RFTN2: variants seen among roughly 807,000 people sequenced by gnomAD.
RFTN2 encodes raftlin family member 2, also known as raftlin-2.
A neutral mutation model predicts 52.7 loss-of-function variants in RFTN2; 34 were observed. The ratio of observed to expected loss-of-function variants is 0.64; its 90% CI spans 0.49 to 0.86. The LOEUF (loss-of-function observed/expected upper bound fraction) is 0.86, where lower values mean the gene tolerates loss of function less well. Among genes scored for constraint, RFTN2 ranks in the 40% least tolerant of loss-of-function variants. The pLI is 0.00. For missense variants in RFTN2, 536 were observed against 600.1 expected (o/e 0.89, Z 1.12); for synonymous variants, 203 against 217.7 (o/e 0.93, Z 0.59).
At chr2:197,591,029 T>C (rs1025005049) in intron 8 of RFTN2, among the ~76,000 whole-genome samples, 1 of 152,194 alleles carries the variant, frequency 6.6e-6, no homozygotes, top group Non-Finnish European at 1.5e-5. Context: ...ATTGGTCCAT[T>C]TTACAGAGAA....
intron 1 of RFTN2, among the ~76,000 whole-genome samples, chr2:197,673,040 C>T (rs965669375): frequency 6.6e-6 from 1 of 152,132 alleles, no homozygotes; most frequent in African/African-American, 2.4e-5. Flanking sequence ...GGGTCTCCTC[C>T]TCCTGCCCCC....
intron 7 of RFTN2, among the ~76,000 whole-genome samples, chr2:197,609,258 A>C (rs1225738045): frequency 6.6e-6 from 1 of 152,214 alleles, no homozygotes; most frequent in South Asian, 2.1e-4. Flanking sequence ...AACAGTGTAA[A>C]AGTGTCCCTA....
At chr2:197,589,970 G>T (rs555827484) in intron 8 of RFTN2, among the ~76,000 whole-genome samples, 10 of 152,012 alleles carry the variant, frequency 6.6e-5, no homozygotes, top group African/African-American at 1.7e-4. Flanking sequence ...ACAGTGGCGC[G>T]ATCATGGCTC....
chr2:197,598,796 C>T (rs2087832021), intron 7 of RFTN2, among the ~76,000 whole-genome samples: 1 of 152,050 alleles, frequency 6.6e-6, no homozygotes, highest in Admixed American at 6.6e-5. Flanking sequence ...CTTCTCAGGC[C>T]TTGGGGATTA....
At chr2:197,599,828 A>G (rs879557953) in intron 7 of RFTN2, among the ~76,000 whole-genome samples, 1 of 152,158 alleles carries the variant, frequency 6.6e-6, no homozygotes, top group Admixed American at 6.6e-5. Flanking sequence ...GAAAGGGCAG[A>G]AGCTTTTTAA....
intron 5 of RFTN2, among the ~76,000 whole-genome samples, chr2:197,618,413 A>G (rs1256665586): frequency 7.2e-5 from 11 of 152,072 alleles, no homozygotes; most frequent in Non-Finnish European, 1.3e-4. Flanking sequence ...GCTGGAGTGC[A>G]GTGGCATGAT....
intron 7 of RFTN2, among the ~76,000 whole-genome samples, chr2:197,609,382 A>T (rs769892300): frequency 1.6e-4 from 24 of 152,234 alleles, no homozygotes; most frequent in Non-Finnish European, 3.1e-4. Flanking sequence ...TATAATGACC[A>T]GTGATGATGA....
intron 5 of RFTN2, among the ~76,000 whole-genome samples, chr2:197,627,616 G>T (rs1352044109): frequency 6.6e-6 from 1 of 152,178 alleles, no homozygotes; most frequent in Non-Finnish European, 1.5e-5. Context: ...AGTCTGAAAA[G>T]AATTCTTAAA....
At chr2:197,618,536 C>A (rs1173452229) in intron 5 of RFTN2, among the ~76,000 whole-genome samples, 9 of 152,096 alleles carry the variant, frequency 5.9e-5, no homozygotes, top group African/African-American at 2.2e-4. Context: ...AGCGTCTCCG[C>A]CTGGCCGCCC....
intron 7 of RFTN2, among the ~76,000 whole-genome samples, chr2:197,602,737 G>A (rs983584617): frequency 6.6e-6 from 1 of 152,046 alleles, no homozygotes; most frequent in Non-Finnish European, 1.5e-5. Flanking sequence ...ATACCCAAAG[G>A]ATTATAAATC....
At chr2:197,583,536 T>C (rs1270231322) in intron 8 of RFTN2, among the ~76,000 whole-genome samples, 1 of 152,078 alleles carries the variant, frequency 6.6e-6, no homozygotes, top group Non-Finnish European at 1.5e-5. Context: ...ATCCTCAGTC[T>C]TCAGGAAAGG....
At chr2:197,628,755 G>T (rs2088411707) in intron 5 of RFTN2, among the ~76,000 whole-genome samples, 1 of 152,220 alleles carries the variant, frequency 6.6e-6, no homozygotes, top group African/African-American at 2.4e-5. Flanking sequence ...AACTCTGACT[G>T]TAGGCTAGGC....
chr2:197,624,880 C>T (rs566847202), intron 5 of RFTN2, among the ~76,000 whole-genome samples: 249 of 151,932 alleles, frequency 1.6e-3, no homozygotes, highest in Admixed American at 2.6e-3. Context: ...ACCTGGGAGG[C>T]GGAGGTTGCA....
intron 7 of RFTN2, among the ~76,000 whole-genome samples, chr2:197,599,235 A>G (rs1226920142): frequency 1.3e-5 from 2 of 152,092 alleles, no homozygotes; most frequent in African/African-American, 2.4e-5. Flanking sequence ...CACCGCGCCC[A>G]GCCTTACCAT....
chr2:197,634,082 G>T (rs1275775594), intron 3 of RFTN2, 85 bp from the exon 4 acceptor site: 3 of 1,145,132 alleles, frequency 2.6e-6, no homozygotes, highest in Admixed American at 2.5e-5. Context: ...GGCTTATTGA[G>T]GAAATCCACT....
Position 197,591,268 on chromosome 2 carries a change from A to T in RFTN2, c.1233+4723T>A, listed in dbSNP as rs147811174. On this transcript the variant is annotated intron_variant, in intron 8 of 8. Coordinates refer to ENST00000295049, the MANE Select transcript of RFTN2 (RefSeq NM_144629.3). ...TAGAGTGCCGATTGGTGTATTCACAATCCCTTAGCTAGACACAAAGATTCT... is the reference window on the plus strand; with the variant it reads ...TAGAGTGCCGATTGGTGTATTCACATTCCCTTAGCTAGACACAAAGATTCT... 9.5e-3 allele frequency among the ~76,000 whole-genome samples: 1,441 copies of T among 152,212 alleles called. 23 individuals carry two copies. Among genetic ancestry groups the T allele is most frequent in the African/African-American group, 0.03 (1,251 of 41,518 alleles).
At chr2:197,584,105 A>G (rs1225166668) in intron 8 of RFTN2, among the ~76,000 whole-genome samples, 1 of 151,988 alleles carries the variant, frequency 6.6e-6, no homozygotes, top group East Asian at 1.9e-4. Flanking sequence ...ATGTGTCTTC[A>G]TGGCAGCATG....
At chr2:197,576,564 TCAGATAC>T in intron 8 of RFTN2, among the ~76,000 whole-genome samples, 1 of 152,184 alleles carries the variant, frequency 6.6e-6, no homozygotes, top group African/African-American at 2.4e-5. Context: ...ATTGTAGAAA[TCAGATAC>T]CCAGGCTGAT....
intron 3 of RFTN2, among the ~76,000 whole-genome samples, chr2:197,634,817 T>C (rs2088535078): frequency 6.6e-6 from 1 of 152,010 alleles, no homozygotes; most frequent in Non-Finnish European, 1.5e-5. Context: ...ACATGTGACA[T>C]GCTGGTGCGC....
Sources: gnomAD v4.1 joint callset for allele counts (sites outside exome capture counted in the v4.1 genomes callset) on GRCh38, gnomAD v4.1.1 for gene constraint, MANE v1.5 for transcripts, NCBI Gene and HGNC (gene_info 2026-07-23, HGNC 2026-07-21) for gene names.